ITGA9: variants seen among roughly 807,000 people sequenced by gnomAD.
ITGA9 encodes integrin alpha-9.
Under a neutral mutation model 127.8 loss-of-function variants are expected in ITGA9, and 56 were observed. The observed-to-expected ratio is 0.44, with a 90% CI of 0.35 to 0.55. The LOEUF is 0.55. Among genes scored for constraint, ITGA9 ranks in the 20% least tolerant of loss-of-function variants. The probability of loss-of-function intolerance (pLI) is 0.00; values close to 1 mark genes in which losing one functional copy is unlikely to be tolerated. For missense variants in ITGA9, 1,196 were observed against 1,347.1 expected (o/e 0.89, Z 1.76); for synonymous variants, 508 against 514.5 (o/e 0.99, Z 0.17).
intron 15 of ITGA9, among the ~76,000 whole-genome samples, chr3:37,628,698 T>G (rs552563263): frequency 6.6e-6 from 1 of 152,284 alleles, no homozygotes; most frequent in East Asian, 1.9e-4. Flanking sequence ...GGAGTCAGAA[T>G]TTCATCCTTG....
At chr3:37,708,493 C>T (rs1008290574) in intron 18 of ITGA9, among the ~76,000 whole-genome samples, 3 of 152,216 alleles carry the variant, frequency 2.0e-5, no homozygotes, top group Non-Finnish European at 2.9e-5. Flanking sequence ...TCTACCCCAA[C>T]CTCTGAGCGG....
chr3:37,537,647 A>G (rs1699223015), intron 14 of ITGA9, among the ~76,000 whole-genome samples: 3 of 152,180 alleles, frequency 2.0e-5, no homozygotes, highest in Non-Finnish European at 2.9e-5. Context: ...CCTTGCCCTC[A>G]TGGAGCTGGC....
intron 4 of ITGA9, among the ~76,000 whole-genome samples, chr3:37,486,052 C>T (rs78331492): frequency 0.069 from 10,487 of 152,178 alleles, 551 homozygotes; most frequent in African/African-American, 0.15. Context: ...TTTAGGACTC[C>T]GAAATGTTAA....
At chr3:37,618,620 C>G (rs1417456533) in intron 15 of ITGA9, among the ~76,000 whole-genome samples, 1 of 152,230 alleles carries the variant, frequency 6.6e-6, no homozygotes, top group Non-Finnish European at 1.5e-5. Flanking sequence ...TCAGTTCGAG[C>G]TTCTCAGCCA....
At chr3:37,625,640 A>G (rs1164668071) in intron 15 of ITGA9, among the ~76,000 whole-genome samples, 2 of 152,190 alleles carry the variant, frequency 1.3e-5, no homozygotes, top group South Asian at 2.1e-4. Flanking sequence ...TTCAGCGACT[A>G]TGGTCTGTGC....
At chr3:37,496,786 A>T (rs1559520648) in intron 5 of ITGA9, among the ~76,000 whole-genome samples, 2 of 152,158 alleles carry the variant, frequency 1.3e-5, no homozygotes, top group African/African-American at 4.8e-5. Flanking sequence ...TGCTGCTAGG[A>T]CATGCCGGAC....
At chr3:37,475,749 T>A (rs1192538834) in intron 3 of ITGA9, among the ~76,000 whole-genome samples, 1 of 152,256 alleles carries the variant, frequency 6.6e-6, no homozygotes, top group East Asian at 1.9e-4. Flanking sequence ...ACATAAAACT[T>A]ACCACCTTAA....
intron 22 of ITGA9, among the ~76,000 whole-genome samples, chr3:37,744,322 C>G (rs1243651416): frequency 1.3e-5 from 2 of 152,212 alleles, no homozygotes; most frequent in African/African-American, 4.8e-5. Context: ...AGCCAATGTC[C>G]CAGCCCAGAT....
rs1426704829 is a variant in ITGA9 at position 37,683,915 on chromosome 3, C to T, written c.1967C>T (p.Ser656Phe). 2.5e-6 allele frequency: 4 copies of T among 1,613,974 alleles called. No individual in the cohort carries two copies. The highest frequency in any genetic ancestry group is 2.5e-6 in the Non-Finnish European group (3 of 1,179,986). ...GCTTTGGGGGCTGTGAAGAACATCTCCCTAAACATCTCTATCTCCAACCTC... is the reference window on the plus strand; with the variant it reads ...GCTTTGGGGGCTGTGAAGAACATCTTCCTAAACATCTCTATCTCCAACCTC... ...YLALGAVKNI[S>F]LNISISNLGD... The change falls in exon 18 of 28, where the codon TCC (serine) becomes TTC (phenylalanine). Residue 656 changes from serine (S) to phenylalanine (F), a missense_variant. By Grantham distance (155) the Ser-to-Phe change is radical. Transcript: ENST00000264741.
chr3:37,789,048 A>G (rs1295072421), intron 26 of ITGA9, among the ~76,000 whole-genome samples: 1 of 152,208 alleles, frequency 6.6e-6, no homozygotes, highest in Non-Finnish European at 1.5e-5. Flanking sequence ...TCCCTGGGGT[A>G]GTAATTTTAA....
At chr3:37,487,282 A>G (rs1459227851) in intron 4 of ITGA9, among the ~76,000 whole-genome samples, 3 of 152,182 alleles carry the variant, frequency 2.0e-5, no homozygotes, top group African/African-American at 7.2e-5. Context: ...GCAGTTGTAC[A>G]TTATGGCCAG....
intron 1 of ITGA9, among the ~76,000 whole-genome samples, chr3:37,464,982 A>G (rs985095131): frequency 1.3e-5 from 2 of 150,820 alleles, no homozygotes; most frequent in Non-Finnish European, 3.0e-5. Context: ...CGTGGTGGAC[A>G]CACAGTGAAG....
At position 37,705,605 on chromosome 3, in the gene ITGA9, G is replaced by A. The variant is rs189597440; in HGVS notation, c.2067+21590G>A. Among the ~76,000 whole-genome samples the A allele has an allele frequency of 2.7e-3, 413 of 152,322 alleles. 3 individuals carry two copies. Among genetic ancestry groups the A allele is most frequent in the African/African-American group, 9.6e-3 (400 of 41,560 alleles). On this transcript the variant is annotated intron_variant, in intron 18 of 27. Coordinates refer to ENST00000264741, the MANE Select transcript of ITGA9 (RefSeq NM_002207.3). ...TCTCCCAGCCCTCGTTTTTCAGCTC[G>A]GGGTTACCACGTGTATTCCGTGAAA...
chr3:37,715,530 G>A (rs906293014), intron 18 of ITGA9, among the ~76,000 whole-genome samples: 4 of 152,230 alleles, frequency 2.6e-5, no homozygotes, highest in Non-Finnish European at 5.9e-5. Context: ...TGGACAGTGT[G>A]AGAGGCATCC....
At chr3:37,567,772 C>T (rs1268910494) in intron 15 of ITGA9, among the ~76,000 whole-genome samples, 2 of 152,210 alleles carry the variant, frequency 1.3e-5, no homozygotes, top group African/African-American at 4.8e-5. Context: ...TGTCTCACAT[C>T]TGGGTCATGC....
At chr3:37,804,569 G>A (rs1575246008) in intron 27 of ITGA9, among the ~76,000 whole-genome samples, 1 of 152,174 alleles carries the variant, frequency 6.6e-6, no homozygotes, top group African/African-American at 2.4e-5. Flanking sequence ...TTTTCCTTCA[G>A]AGCCTCTCTA....
chr3:37,793,436 ACG>A (rs1697137558), intron 26 of ITGA9, among the ~76,000 whole-genome samples: 1 of 143,514 alleles, frequency 7.0e-6, no homozygotes, highest in East Asian at 2.0e-4. Flanking sequence ...ACACACACAC[ACG>A]TGCACACACA....
intron 15 of ITGA9, among the ~76,000 whole-genome samples, chr3:37,607,836 C>T (rs1443346762): frequency 2.0e-5 from 3 of 152,164 alleles, no homozygotes; most frequent in Non-Finnish European, 2.9e-5. Flanking sequence ...CATCAGGGGG[C>T]GGGGACCTGA....
At chr3:37,615,012 A>G (rs1700060196) in intron 15 of ITGA9, among the ~76,000 whole-genome samples, 1 of 152,038 alleles carries the variant, frequency 6.6e-6, no homozygotes, top group South Asian at 2.1e-4. Context: ...GTTGAATAGG[A>G]GTGGTGGGAG....
Sources: gnomAD v4.1 joint callset for allele counts (sites outside exome capture counted in the v4.1 genomes callset) on GRCh38, gnomAD v4.1.1 for gene constraint, MANE v1.5 for transcripts, NCBI Gene and HGNC (gene_info 2026-07-23, HGNC 2026-07-21) for gene names.